AFF3: variants seen among roughly 807,000 people sequenced by gnomAD.
AFF3 encodes the protein ALF transcription elongation factor 3.
In AFF3, 32 loss-of-function variants were observed where a neutral mutation model predicts 129.7. The ratio of observed to expected loss-of-function variants is 0.25; its 90% CI spans 0.19 to 0.33. The LOEUF is 0.33. Among genes scored for constraint, AFF3 ranks in the 10% least tolerant of loss-of-function variants. The probability of loss-of-function intolerance (pLI) is 1.00; values close to 1 mark genes in which losing one functional copy is unlikely to be tolerated. For synonymous variants in AFF3, 644 were observed against 635.4 expected, an observed-to-expected ratio of 1.01 and a Z score of -0.20; for missense variants, 1,373 against 1,592.0, an observed-to-expected ratio of 0.86 and a Z score of 2.34.
chr2:99,597,072 T>TATC (rs1679360271), intron 14 of AFF3, among the ~76,000 whole-genome samples: 1 of 152,200 alleles, frequency 6.6e-6, no homozygotes, highest in Non-Finnish European at 1.5e-5. Context: ...TAAGAAAGGT[T>TATC]ATCATCCCTA....
chr2:99,945,302 G>A (rs530595664), intron 7 of AFF3, among the ~76,000 whole-genome samples: 30 of 152,300 alleles, frequency 2.0e-4, no homozygotes, highest in African/African-American at 6.0e-4. Context: ...GTAGCCTAAC[G>A]GGACTCTGAA....
chr2:99,691,318 A>G (rs1429497425), intron 11 of AFF3, among the ~76,000 whole-genome samples: 1 of 152,062 alleles, frequency 6.6e-6, no homozygotes, highest in East Asian at 1.9e-4. Flanking sequence ...CTCCATAATA[A>G]AGTTCTGCTA....
intron 7 of AFF3, among the ~76,000 whole-genome samples, chr2:99,862,021 T>C (rs575054477): frequency 6.6e-6 from 1 of 152,260 alleles, no homozygotes; most frequent in Non-Finnish European, 1.5e-5. Context: ...TTTAGAAAGA[T>C]GTTTTAGTCT....
At chr2:100,028,024 A>G (rs1684185377) in intron 4 of AFF3, among the ~76,000 whole-genome samples, 1 of 152,222 alleles carries the variant, frequency 6.6e-6, no homozygotes, top group South Asian at 2.1e-4. Context: ...AAGAATGATA[A>G]ATATCTGAAA....
chr2:100,105,664 T>G, intron 2 of AFF3, 81 bp from the exon 3 acceptor site: 1 of 1,346,194 alleles, frequency 7.4e-7, no homozygotes, highest in Non-Finnish European at 9.9e-7. Context: ...CTCTTCCCCC[T>G]GGCTTACTTT....
intron 11 of AFF3, among the ~76,000 whole-genome samples, chr2:99,704,718 T>C (rs1558767375): frequency 6.6e-6 from 1 of 152,342 alleles, no homozygotes; most frequent in East Asian, 1.9e-4. Flanking sequence ...GTGTCAGAGC[T>C]ATTCCTATAT....
chr2:100,068,905 T>C (rs1687947255), intron 4 of AFF3, among the ~76,000 whole-genome samples: 1 of 152,118 alleles, frequency 6.6e-6, no homozygotes, highest in Admixed American at 6.5e-5. Flanking sequence ...CCAACCTCAG[T>C]TCTATCACTT....
At chr2:99,659,201 G>A (rs1369159798) in intron 12 of AFF3, among the ~76,000 whole-genome samples, 1 of 152,202 alleles carries the variant, frequency 6.6e-6, no homozygotes, top group African/African-American at 2.4e-5. Context: ...GCTGGTGGAA[G>A]ATCCAAGCTC....
At chr2:99,787,146 T>C (rs1314250610) in intron 8 of AFF3, among the ~76,000 whole-genome samples, 1 of 152,158 alleles carries the variant, frequency 6.6e-6, no homozygotes, top group African/African-American at 2.4e-5. Flanking sequence ...GATTTTGCTC[T>C]AAATCACAGA....
At chr2:99,870,875 C>T (rs552017681) in intron 7 of AFF3, among the ~76,000 whole-genome samples, 2 of 152,318 alleles carry the variant, frequency 1.3e-5, no homozygotes, top group South Asian at 2.1e-4. Flanking sequence ...GACTCTGGAA[C>T]TGGGCTGCCT....
chr2:99,846,007 T>C (rs1230573404), intron 7 of AFF3, among the ~76,000 whole-genome samples: 1 of 151,600 alleles, frequency 6.6e-6, no homozygotes, highest in Non-Finnish European at 1.5e-5. Context: ...TAATTTTTTG[T>C]ATTTTTAGTA....
intron 4 of AFF3, among the ~76,000 whole-genome samples, chr2:100,029,945 T>C (rs918192981): frequency 1.3e-5 from 2 of 152,056 alleles, no homozygotes; most frequent in African/African-American, 4.8e-5. Flanking sequence ...TATGTGCCTG[T>C]AGTCCCAGCT....
chr2:99,666,061 C>G (rs967926112), intron 12 of AFF3, among the ~76,000 whole-genome samples: 5 of 152,098 alleles, frequency 3.3e-5, no homozygotes, highest in Non-Finnish European at 7.3e-5. Context: ...TGGATAGGAG[C>G]AGGGCAGTGT....
At chr2:100,049,111 G>A (rs1179217035) in intron 4 of AFF3, among the ~76,000 whole-genome samples, 1 of 152,084 alleles carries the variant, frequency 6.6e-6, no homozygotes, top group African/African-American at 2.4e-5. Context: ...ATATTCACCT[G>A]GTCTCAAAAG....
chr2:100,013,843 T>C lies in AFF3; in HGVS notation c.54-4911A>G, dbSNP rs183507202. Among the ~76,000 whole-genome samples the C allele has an allele frequency of 2.6e-5, 4 of 152,204 alleles. No individual in the cohort carries two copies. In the East Asian group the frequency reaches 5.8e-4, roughly 22 times the overall value. ...TAACCTAGAATTGTGGAATGGAAGA[T>C]AGAGAAGTGAATAAAAAAATAAAAA... On this transcript the variant is annotated intron_variant, in intron 4 of 24. Coordinates refer to ENST00000672756, the MANE Select transcript of AFF3 (RefSeq NM_001386135.1).
At chr2:99,627,655 A>G (rs1331061896) in intron 13 of AFF3, among the ~76,000 whole-genome samples, 1 of 152,186 alleles carries the variant, frequency 6.6e-6, no homozygotes, top group Non-Finnish European at 1.5e-5. Flanking sequence ...GCCCATTCAT[A>G]TGACCAGAAT....
intron 4 of AFF3, among the ~76,000 whole-genome samples, chr2:100,024,660 C>T (rs1683894214): frequency 6.6e-6 from 1 of 151,522 alleles, no homozygotes; most frequent in Non-Finnish European, 1.5e-5. Context: ...AATTGTAAAA[C>T]CAATGAAATA....
intron 11 of AFF3, among the ~76,000 whole-genome samples, chr2:99,687,449 G>C (rs1321564646): frequency 6.6e-6 from 1 of 152,208 alleles, no homozygotes; most frequent in Non-Finnish European, 1.5e-5. Context: ...ATGGGAGTGA[G>C]TGGGAGCTTC....
intron 4 of AFF3, among the ~76,000 whole-genome samples, chr2:100,065,837 C>CTTAA (rs951709465): frequency 1.1e-4 from 16 of 152,144 alleles, no homozygotes; most frequent in Non-Finnish European, 2.2e-4. Context: ...GTAGTTTGGT[C>CTTAA]TTTTATGTCA....
Sources: allele counts gnomAD v4.1 joint callset (sites outside exome capture counted in the v4.1 genomes callset), GRCh38; gene constraint gnomAD v4.1.1; transcripts MANE v1.5; gene names NCBI Gene and HGNC (gene_info 2026-07-23, HGNC 2026-07-21).